The following PLEKHA6 variants were observed in gnomAD, a reference collection of about 807,000 sequenced individuals.
PLEKHA6 encodes pleckstrin homology domain containing A6, also known as pleckstrin homology domain-containing family A member 6.
In PLEKHA6, 60 loss-of-function variants were observed where a neutral mutation model predicts 116.7. The observed-to-expected ratio is 0.51, with a 90% CI of 0.42 to 0.64. PLEKHA6 has a LOEUF of 0.64. Ranked by LOEUF, PLEKHA6 falls within the 30% of genes least tolerant of loss-of-function variation. The probability of loss-of-function intolerance (pLI) is 0.00; values close to 1 mark genes in which losing one functional copy is unlikely to be tolerated. For missense variants in PLEKHA6, 1,338 were observed against 1,422.7 expected, an observed-to-expected ratio of 0.94 and a Z score of 0.96; for synonymous variants, 489 against 556.1, an observed-to-expected ratio of 0.88 and a Z score of 1.70.
intron 9 of PLEKHA6, chr1:204,256,895 G>A (rs1481120750): frequency 9.4e-6 from 6 of 639,540 alleles, no homozygotes; most frequent in Admixed American, 5.0e-5. Flanking sequence ...CATACTGGAA[G>A]AGAAAGGGAT....
chr1:204,349,186 G>A (rs1458421573), intron 1 of PLEKHA6, among the ~76,000 whole-genome samples: 3 of 152,208 alleles, frequency 2.0e-5, no homozygotes, highest in Non-Finnish European at 4.4e-5. Context: ...AAGGGGGCCA[G>A]GACAGACACC....
chr1:204,337,046 TC>T (rs1470434872), intron 1 of PLEKHA6, among the ~76,000 whole-genome samples: 3 of 152,246 alleles, frequency 2.0e-5, no homozygotes, highest in African/African-American at 7.2e-5. Context: ...CTTTCTGGAC[TC>T]CCAGACTTTT....
At chr1:204,303,048 C>T (rs1447652827) in intron 1 of PLEKHA6, among the ~76,000 whole-genome samples, 1 of 152,124 alleles carries the variant, frequency 6.6e-6, no homozygotes, top group African/African-American at 2.4e-5. Flanking sequence ...CTTTCTTTCC[C>T]CCCTCTGCTA....
At chr1:204,312,298 G>A (rs1256040738) in intron 1 of PLEKHA6, among the ~76,000 whole-genome samples, 3 of 152,210 alleles carry the variant, frequency 2.0e-5, no homozygotes, top group African/African-American at 7.2e-5. Flanking sequence ...GCATGGGAGA[G>A]ATAAACGGCA....
Position 204,244,994 on chromosome 1 carries a change from C to A in PLEKHA6, c.2042G>T (p.Gly681Val). 7.0e-7 allele frequency: 1 copy of A among 1,429,366 alleles called. No individual in the cohort carries two copies. Among genetic ancestry groups the A allele is most frequent in the Non-Finnish European group, 9.2e-7 (1 of 1,089,314 alleles). The allele number at this position is 1,429,366 out of a possible 1,614,324, so 88.5% of individuals were successfully genotyped here. A position where few individuals can be genotyped will look rare whatever the true frequency, so the allele number is the denominator to read the frequency against. ...TDTAKHRGGL[G>V]PSATYSSNSP... ...GTTGGAGCTGTAGGTGGCTGAGGGG[C>A]CAAGTCCTCCTTGGGGGAAACAAGG... Residue 681 changes from glycine (G) to valine (V), a missense_variant, in exon 15 of 23, where the codon GGC becomes GTC. Physicochemically the swap from Gly to Val is moderately radical, Grantham distance 109. This residue lies in a region of PLEKHA6 where 1,136 missense variants were observed against 1,163.6 expected (regional missense o/e 0.98). Coordinates refer to ENST00000272203, the MANE Select transcript of PLEKHA6 (RefSeq NM_014935.5).
chr1:204,274,813 T>C lies in PLEKHA6; in HGVS notation c.-94-4A>G, dbSNP rs757080476. 1 of 985,634 alleles carries C rather than the reference T, an allele frequency of 1.0e-6. No homozygotes were observed. Among genetic ancestry groups the C allele is most frequent in the Non-Finnish European group, 1.2e-6 (1 of 829,868 alleles). 61.1% of individuals were successfully genotyped at this position (985,634 alleles called of 1,614,324 possible). A position where few individuals can be genotyped will look rare whatever the true frequency, so the allele number is the denominator to read the frequency against. ...TGTGTTCCGTCTTTCATTGTGGCTG[T>C]AGAGGGAAAAACAGAAGAGTTGTGG... On this transcript the variant is annotated splice_region_variant and splice_polypyrimidine_tract_variant and intron_variant, in intron 1 of 22. Coordinates refer to ENST00000272203, the MANE Select transcript of PLEKHA6 (RefSeq NM_014935.5).
At chr1:204,343,033 T>C (rs2103322831) in intron 1 of PLEKHA6, among the ~76,000 whole-genome samples, 1 of 152,324 alleles carries the variant, frequency 6.6e-6, no homozygotes, top group East Asian at 1.9e-4. Context: ...GGGCTCCCCT[T>C]GACCCTGACC....
Position 204,244,951 on chromosome 1 carries a change from G to T in PLEKHA6, c.2085C>A (p.Leu695=). 1.3e-6 allele frequency: 2 copies of T among 1,482,464 alleles called. No individual in the cohort carries two copies. Among genetic ancestry groups the T allele is most frequent in the Non-Finnish European group, 1.8e-6 (2 of 1,113,544 alleles). 91.8% of individuals were successfully genotyped at this position (1,482,464 alleles called of 1,614,324 possible). ...GGGGGCTGGTGAGGCTGGCAGAGCT[G>T]AGGGGGCTGGCCGGGCTGTTGGAGC... ...TYSSNSPASP[L]SSASLTSPLS... Residue 695 remains leucine (L), a synonymous_variant, in exon 15 of 23, where the codon CTC becomes CTA. Transcript: ENST00000272203.
chr1:204,270,370 GAC>G (rs1667322019), intron 3 of PLEKHA6, among the ~76,000 whole-genome samples: 1 of 152,134 alleles, frequency 6.6e-6, no homozygotes, highest in East Asian at 1.9e-4. Context: ...CTATAGCCAA[GAC>G]CTGTCTTCCA....
rs1230031256 is a variant in PLEKHA6 at position 204,219,358 on chromosome 1, C to G, written c.*3430G>C. On this transcript the variant is annotated 3_prime_UTR_variant, in exon 23 of 23. Transcript: ENST00000272203. ...ATTGGTTCCCTCTTGCCGTAGCCAG[C>G]CCTGCCCAAGAACATGCCTCTCCCA... 6.6e-6 allele frequency: 1 copy of G among 152,458 alleles called. No homozygotes were observed. Among genetic ancestry groups the G allele is most frequent in the African/African-American group, 2.4e-5 (1 of 41,380 alleles). 9.4% of individuals were successfully genotyped at this position (152,458 alleles called of 1,614,324 possible).
chr1:204,263,018 A>G (rs951828533), intron 6 of PLEKHA6, among the ~76,000 whole-genome samples: 1 of 152,222 alleles, frequency 6.6e-6, no homozygotes, highest in Non-Finnish European at 1.5e-5. Context: ...CATCAATTCA[A>G]TGAGCATCCA....
At chr1:204,303,047 C>T (rs1334778689) in intron 1 of PLEKHA6, among the ~76,000 whole-genome samples, 1 of 152,130 alleles carries the variant, frequency 6.6e-6, no homozygotes, top group Non-Finnish European at 1.5e-5. Context: ...TCTTTCTTTC[C>T]CCCCTCTGCT....
chr1:204,345,406 C>T (rs1312119752), intron 1 of PLEKHA6, among the ~76,000 whole-genome samples: 1 of 152,140 alleles, frequency 6.6e-6, no homozygotes, highest in Admixed American at 6.5e-5. Flanking sequence ...GCCTGCCAAC[C>T]CAGGCTTCTT....
At chr1:204,339,465 A>C (rs1312517634) in intron 1 of PLEKHA6, among the ~76,000 whole-genome samples, 1 of 152,164 alleles carries the variant, frequency 6.6e-6, no homozygotes. Context: ...TCATACTCAA[A>C]ATGGATGTGA....
chr1:204,248,966 C>A lies in PLEKHA6; in HGVS notation c.1679G>T (p.Ser560Ile), dbSNP rs1359947109. Reference sequence around the variant, plus strand: ...GGTCCCCATCAAGGCACTTTCCAGGCTCTCCTGAAGAAAGGCAGGGGAATG... The same window carrying A: ...GGTCCCCATCAAGGCACTTTCCAGGATCTCCTGAAGAAAGGCAGGGGAATG... ...LVQQLRAEKE[S>I]LESALMGTHQ... Residue 560 changes from serine (S) to isoleucine (I), a missense_variant, in exon 12 of 23, where the codon AGC becomes ATC. Physicochemically the swap from Ser to Ile is moderately radical, Grantham distance 142. This residue lies in a region of PLEKHA6 where 1,136 missense variants were observed against 1,163.6 expected (regional missense o/e 0.98). Transcript: ENST00000272203. The A allele has an allele frequency of 1.9e-6, 3 of 1,613,746 alleles. No individual in the cohort carries two copies. Among genetic ancestry groups the A allele is most frequent in the Non-Finnish European group, 2.5e-6 (3 of 1,179,892 alleles).
At chr1:204,356,165 T>C (rs1207347012) in intron 1 of PLEKHA6, among the ~76,000 whole-genome samples, 4 of 152,250 alleles carry the variant, frequency 2.6e-5, no homozygotes, top group Non-Finnish European at 5.9e-5. Context: ...TATATGTTCA[T>C]TGTAGCCTTG....
intron 1 of PLEKHA6, among the ~76,000 whole-genome samples, chr1:204,324,718 T>C (rs1672183476): frequency 6.6e-6 from 1 of 152,178 alleles, no homozygotes; most frequent in South Asian, 2.1e-4. Context: ...AGGATCCTGG[T>C]GTTTTTATCT....
chr1:204,324,313 G>C (rs1223461826), intron 1 of PLEKHA6, among the ~76,000 whole-genome samples: 1 of 152,128 alleles, frequency 6.6e-6, no homozygotes, highest in African/African-American at 2.4e-5. Flanking sequence ...AAAGGCTGAA[G>C]TAGAGGATAG....
intron 1 of PLEKHA6, among the ~76,000 whole-genome samples, chr1:204,345,691 C>G (rs1303589408): frequency 6.6e-6 from 1 of 151,914 alleles, no homozygotes; most frequent in Non-Finnish European, 1.5e-5. Flanking sequence ...CCTGAAAGAA[C>G]AGCAGGGCCA....
Sources: allele counts gnomAD v4.1 joint callset (sites outside exome capture counted in the v4.1 genomes callset), GRCh38; gene constraint gnomAD v4.1.1; regional missense constraint gnomAD v4.1.1; transcripts MANE v1.5; gene names NCBI Gene and HGNC (gene_info 2026-07-23, HGNC 2026-07-21).